DCK: variants seen among roughly 807,000 people sequenced by gnomAD.
DCK encodes the protein deoxycytidine kinase.
A neutral mutation model predicts 38.3 loss-of-function variants in DCK; 23 were observed. The ratio of observed to expected loss-of-function variants is 0.60; its 90% CI spans 0.43 to 0.85. The LOEUF is 0.85. Ranked by LOEUF, DCK falls within the 40% of genes least tolerant of loss-of-function variation. The pLI is 0.00. For synonymous variants in DCK, 108 were observed against 100.6 expected (o/e 1.07, Z -0.44); for missense variants, 259 against 304.4 (o/e 0.85, Z 1.11).
intron 1 of DCK, 51 bp downstream of exon 1, chr4:70,993,977 G>A (rs369545832): frequency 2.2e-4 from 282 of 1,308,536 alleles, no homozygotes; most frequent in Non-Finnish European, 3.0e-4. Flanking sequence ...TCGCGGCAGT[G>A]GCTGAAGCTT....
At chr4:71,013,611 T>G (rs1321638478) in intron 2 of DCK, among the ~76,000 whole-genome samples, 1 of 152,132 alleles carries the variant, frequency 6.6e-6, no homozygotes, top group African/African-American at 2.4e-5. Flanking sequence ...TATTCAACAT[T>G]CTTAAAGAAA....
intron 2 of DCK, among the ~76,000 whole-genome samples, chr4:71,001,653 A>G (rs1739803326): frequency 6.6e-6 from 1 of 152,078 alleles, no homozygotes; most frequent in African/African-American, 2.4e-5. Flanking sequence ...TATTGCCTCA[A>G]TTTCAGAACT....
rs909475249 is a variant in DCK at position 71,029,755 on chromosome 4, C to T, written c.*377C>T. On this transcript the variant is annotated 3_prime_UTR_variant, in exon 7 of 7. Transcript: ENST00000286648. ...CTGGTGCCTCTCACTTCGTTGGTGA[C>T]CAGTTTCTTAAACTGAAAGCTTTAA... The T allele has an allele frequency of 5.2e-6, 1 of 190,478 alleles. No individual in the cohort carries two copies. The highest frequency in any genetic ancestry group is 2.4e-5 in the African/African-American group (1 of 41,996). The allele number at this position is 190,478 out of a possible 1,614,324, so 11.8% of individuals were successfully genotyped here.
chr4:71,023,415 T>A lies in DCK; in HGVS notation c.402-144T>A, dbSNP rs1578429746. The A allele has an allele frequency of 8.5e-6, 5 of 585,314 alleles. No homozygotes were observed. In the East Asian group the frequency reaches 1.5e-4, roughly 18 times the overall value. 36.3% of individuals were successfully genotyped at this position (585,314 alleles called of 1,614,324 possible). The stretch of plus-strand genomic sequence containing the variant: ...TGAGAACCATTGGCCAAAAACATGA[T>A]GGAAAGACTCTTGTCTTTTTCTGCT... On this transcript the variant is annotated intron_variant, in intron 3 of 6. Coordinates refer to ENST00000286648, the MANE Select transcript of DCK (RefSeq NM_000788.3).
chr4:71,002,308 T>A (rs754752781), intron 2 of DCK, among the ~76,000 whole-genome samples: 1 of 152,226 alleles, frequency 6.6e-6, no homozygotes, highest in Non-Finnish European at 1.5e-5. Context: ...GAGTTCTAAT[T>A]TGATTGCACT....
chr4:70,994,810 C>T (rs953649073), intron 1 of DCK, among the ~76,000 whole-genome samples: 2 of 152,206 alleles, frequency 1.3e-5, no homozygotes, highest in African/African-American at 4.8e-5. Context: ...GATTCAAAGA[C>T]CACTAACGTT....
chr4:70,997,003 T>A (rs1244623382), intron 1 of DCK, among the ~76,000 whole-genome samples: 1 of 152,240 alleles, frequency 6.6e-6, no homozygotes, highest in African/African-American at 2.4e-5. Flanking sequence ...GTTAAGGAAC[T>A]AGATGTGTTA....
intron 6 of DCK, among the ~76,000 whole-genome samples, chr4:71,027,284 A>T: frequency 6.6e-6 from 1 of 152,214 alleles, no homozygotes; most frequent in South Asian, 2.1e-4. Flanking sequence ...AAGGGATTTT[A>T]GTTTTGAGTT....
intron 2 of DCK, among the ~76,000 whole-genome samples, chr4:71,021,739 G>T (rs1209596677): frequency 6.6e-6 from 1 of 152,134 alleles, no homozygotes; most frequent in African/African-American, 2.4e-5. Context: ...TTTTTAAAAA[G>T]AAGACGTAAT....
intron 6 of DCK, among the ~76,000 whole-genome samples, 197 bp from the exon 7 acceptor site, chr4:71,029,155 A>G (rs1040904709): frequency 6.6e-6 from 1 of 152,186 alleles, no homozygotes; most frequent in African/African-American, 2.4e-5. Context: ...CGGCCTCCCA[A>G]AATGCTAGAA....
At chr4:71,012,768 G>A (rs1162352210) in intron 2 of DCK, among the ~76,000 whole-genome samples, 4 of 152,106 alleles carry the variant, frequency 2.6e-5, no homozygotes, top group Non-Finnish European at 4.4e-5. Context: ...CCATCTGTAC[G>A]TCACCATCAT....
At chr4:70,999,067 C>T (rs753351240) in intron 2 of DCK, among the ~76,000 whole-genome samples, 4 of 151,996 alleles carry the variant, frequency 2.6e-5, no homozygotes, top group Admixed American at 1.3e-4. Context: ...ATGTGCAGAA[C>T]GTGCAGGTTT....
Position 70,998,171 on chromosome 4 carries a change from G to C in DCK, c.196G>C (p.Asp66His). Residue 66 changes from aspartate (D) to histidine (H), a missense_variant, in exon 2 of 7, where the codon GAT (aspartate) becomes CAT (histidine). Physicochemically the swap from Asp to His is moderately conservative, Grantham distance 81. Transcript: ENST00000286648. ...ARWCNVQSTQ[D>H]EFEELTMSQK... ...ATGGTGCAATGTTCAAAGTACTCAAGATGAATTTGAGGTATGAAAATAAAA... is the reference window on the plus strand; with the variant it reads ...ATGGTGCAATGTTCAAAGTACTCAACATGAATTTGAGGTATGAAAATAAAA... 1 of 1,558,330 alleles carries C rather than the reference G, an allele frequency of 6.4e-7. No homozygotes were observed. The highest frequency in any genetic ancestry group is 8.8e-7 in the Non-Finnish European group (1 of 1,136,416).
rs545653148 is a variant in DCK, at chr4:71,028,854, T to G, written c.757-498T>G. On this transcript the variant is annotated intron_variant, in intron 6 of 6. Coordinates refer to ENST00000286648, the MANE Select transcript of DCK (RefSeq NM_000788.3). The stretch of plus-strand genomic sequence containing the variant: ...CTCACCACAACCTCTGCCTCCCAGG[T>G]TCAAGCGATTCTTCTGCCTTGGCCT... 1.6e-4 allele frequency: 44 copies of G among 275,340 alleles called. 1 individual carries two copies. Among genetic ancestry groups the G allele is most frequent in the Non-Finnish European group, 1.9e-4 (27 of 140,440 alleles). The allele number at this position is 275,340 out of a possible 1,614,324, so 17.1% of individuals were successfully genotyped here.
At chr4:71,020,675 G>A (rs141933220) in intron 2 of DCK, among the ~76,000 whole-genome samples, 233 of 152,112 alleles carry the variant, frequency 1.5e-3, no homozygotes, top group East Asian at 0.013. Flanking sequence ...TGCCTTAGGA[G>A]CCTCAAAACA....
intron 2 of DCK, among the ~76,000 whole-genome samples, chr4:71,017,550 C>A (rs1462425411): frequency 6.6e-6 from 1 of 151,854 alleles, no homozygotes; most frequent in Non-Finnish European, 1.5e-5. Context: ...CAGTAATAGA[C>A]TGGATTAAGA....
At position 71,026,833 on chromosome 4, in the gene DCK, A is replaced by G. The variant is rs183454946; in HGVS notation, c.756+78A>G. 4.1e-3 allele frequency: 2,876 copies of G among 701,146 alleles called. 7 individuals carry two copies. The highest frequency in any genetic ancestry group is 6.6e-3 in the Admixed American group (229 of 34,852). The allele number at this position is 701,146 out of a possible 1,614,324, so 43.4% of individuals were successfully genotyped here. A position where few individuals can be genotyped will look rare whatever the true frequency, so the allele number is the denominator to read the frequency against. On this transcript the variant is annotated intron_variant, in intron 6 of 6. Coordinates refer to ENST00000286648, the MANE Select transcript of DCK (RefSeq NM_000788.3). ...TGAGTGGTGAGAAAACAATTTTCTA[A>G]CAGAAAAGCTTCCATAAAGTTACAT...
chr4:71,030,434 C>G lies in DCK; in HGVS notation c.*1056C>G, dbSNP rs1315085573. 6.6e-6 allele frequency: 1 copy of G among 151,904 alleles called. No homozygotes were observed. Among genetic ancestry groups the G allele is most frequent in the Non-Finnish European group, 1.5e-5 (1 of 67,896 alleles). 9.4% of individuals were successfully genotyped at this position (151,904 alleles called of 1,614,324 possible). On this transcript the variant is annotated 3_prime_UTR_variant, in exon 7 of 7. Coordinates refer to ENST00000286648, the MANE Select transcript of DCK (RefSeq NM_000788.3). The stretch of plus-strand genomic sequence containing the variant: ...TTTTCACTTTTAAACTACTATTTTT[C>G]TTTCCAAGTCATTTTTGTTTTTGGT...
chr4:70,993,893 C>G lies in DCK; in HGVS notation c.58C>G (p.Arg20Gly), dbSNP rs368749344. Reference protein sequence around the residue: ...PSFSASSEGTRIKKISIEGNI... With the variant: ...PSFSASSEGTGIKKISIEGNI... ...TTTCTCAGCCAGCTCTGAGGGGACC[C>G]GCATCAAGAAAATCTCCATCGAAGG... The change falls in exon 1 of 7, where the codon CGC (arginine) becomes GGC (glycine). Residue 20 changes from arginine (R) to glycine (G), a missense_variant. By Grantham distance (125) the Arg-to-Gly change is moderately radical. Coordinates refer to ENST00000286648, the MANE Select transcript of DCK (RefSeq NM_000788.3). 14 of 1,613,926 alleles carry G rather than the reference C, an allele frequency of 8.7e-6. No homozygotes were observed. The highest frequency in any genetic ancestry group is 1.2e-5 in the Non-Finnish European group (14 of 1,179,846).
Sources: allele counts gnomAD v4.1 joint callset (sites outside exome capture counted in the v4.1 genomes callset), GRCh38; gene constraint gnomAD v4.1.1; transcripts MANE v1.5; gene names NCBI Gene and HGNC (gene_info 2026-07-23, HGNC 2026-07-21).